Variants in ZFP90 observed in about 807,000 individuals in gnomAD.
ZFP90 encodes the protein zinc finger protein 90 homolog.
ZFP90 carries 38 observed loss-of-function variants against 60.8 expected under a neutral mutation model. The observed-to-expected ratio is 0.62, with a 90% CI of 0.48 to 0.82. The LOEUF (loss-of-function observed/expected upper bound fraction) is 0.82, where lower values mean the gene tolerates loss of function less well. Ranked by LOEUF, ZFP90 falls within the 40% of genes least tolerant of loss-of-function variation. The probability of loss-of-function intolerance (pLI) is 0.00; values close to 1 mark genes in which losing one functional copy is unlikely to be tolerated. For missense variants in ZFP90, 711 were observed against 759.1 expected (o/e 0.94, Z 0.74); for synonymous variants, 287 against 264.8 (o/e 1.08, Z -0.82).
Position 68,558,097 on chromosome 16 carries a change from G to C in ZFP90, c.133G>C (p.Glu45Gln). ...QRSLYRDVML[E>Q]NYSHLVSLGY... ...GAGCTTATACAGGGATGTGATGCTGGAGAACTATAGCCACCTGGTTTCTCT... is the reference window on the plus strand; with the variant it reads ...GAGCTTATACAGGGATGTGATGCTGCAGAACTATAGCCACCTGGTTTCTCT... Residue 45 changes from glutamate (E) to glutamine (Q), a missense_variant, in exon 3 of 5, where the codon GAG becomes CAG. By Grantham distance (29) the Glu-to-Gln change is conservative. Transcript: ENST00000563169. The C allele has an allele frequency of 6.2e-7, 1 of 1,613,836 alleles. No individual in the cohort carries two copies. The highest frequency in any genetic ancestry group is 8.5e-7 in the Non-Finnish European group (1 of 1,179,908).
upstream of ZFP90, among the ~76,000 whole-genome samples, chr16:68,536,468 G>C (rs1279902440): frequency 1.3e-5 from 2 of 151,996 alleles, no homozygotes; most frequent in Non-Finnish European, 2.9e-5. Context: ...ACCACACCTG[G>C]CATTATTATT....
intron 2 of ZFP90, among the ~76,000 whole-genome samples, chr16:68,574,752 C>T (rs1597762765): frequency 6.6e-6 from 1 of 151,802 alleles, no homozygotes; most frequent in African/African-American, 2.4e-5. Context: ...TGGTGAAACC[C>T]TGTCTCTAAA....
chr16:68,539,879 C>G (rs753141228), intron 2 of ZFP90, 54 bp downstream of exon 2: 1 of 1,585,784 alleles, frequency 6.3e-7, no homozygotes, highest in Non-Finnish European at 8.6e-7. Flanking sequence ...TCCATCCCAT[C>G]TCCCAAGGGT....
intron 1 of ZFP90, 109 bp from the exon 2 acceptor site, chr16:68,539,649 C>A: frequency 2.2e-6 from 2 of 892,884 alleles, no homozygotes; most frequent in Non-Finnish European, 3.2e-6. Context: ...CCACGGTCCT[C>A]GCCACCATCT....
intron 2 of ZFP90, among the ~76,000 whole-genome samples, chr16:68,556,003 C>T (rs1480944532): frequency 6.6e-6 from 1 of 152,152 alleles, no homozygotes; most frequent in African/African-American, 2.4e-5. Flanking sequence ...CTTTCTGAGA[C>T]AGAAGTCTAA....
At chr16:68,569,955 T>C (rs1188414289), downstream of ZFP90, among the ~76,000 whole-genome samples, 1 of 152,072 alleles carries the variant, frequency 6.6e-6, no homozygotes, top group Non-Finnish European at 1.5e-5. Flanking sequence ...AGTTGTTCTC[T>C]TTCCTGCATT....
At chr16:68,539,683 C>T (rs1319181841) in intron 1 of ZFP90, 75 bp from the exon 2 acceptor site, 6 of 846,668 alleles carry the variant, frequency 7.1e-6, no homozygotes, top group African/African-American at 1.0e-4. Flanking sequence ...GGTTTAGGGG[C>T]GGAGGTGGGG....
intron 2 of ZFP90, chr16:68,574,132 C>T (rs755300484): frequency 6.8e-6 from 1 of 146,398 alleles, no homozygotes; most frequent in Non-Finnish European, 1.5e-5. Flanking sequence ...CTGCCATCTC[C>T]TATCATGTGA....
At chr16:68,535,592 A>T (rs1371351343), upstream of ZFP90, 1 of 152,164 alleles carries the variant, frequency 6.6e-6, no homozygotes, top group African/African-American at 2.4e-5. Flanking sequence ...ACTTTTCCCA[A>T]CACTGCCATA....
At chr16:68,548,234 C>A (rs1292692752) in intron 2 of ZFP90, among the ~76,000 whole-genome samples, 1 of 152,128 alleles carries the variant, frequency 6.6e-6, no homozygotes, top group Admixed American at 6.6e-5. Flanking sequence ...TTTGTAGAAA[C>A]ATTCAGATTG....
intron 2 of ZFP90, among the ~76,000 whole-genome samples, chr16:68,543,817 C>T (rs1042275423): frequency 2.0e-5 from 3 of 151,752 alleles, no homozygotes; most frequent in Non-Finnish European, 2.9e-5. Context: ...TCTCAGCCTC[C>T]CAAAGTGCTG....
intron 2 of ZFP90, among the ~76,000 whole-genome samples, chr16:68,556,586 A>T (rs1379224452): frequency 2.0e-5 from 3 of 152,226 alleles, no homozygotes; most frequent in Admixed American, 2.0e-4. Flanking sequence ...TGTTCTGGGC[A>T]CCAGGCATGT....
At position 68,564,275 on chromosome 16, in the gene ZFP90, C is replaced by G. The variant is rs752219804; in HGVS notation, c.1488C>G (p.Pro496=). ...QQAISHPGEK[P]YQCNVCGKAF... Reference sequence around the variant, plus strand: ...CTATTTCTCATCCTGGAGAGAAACCCTATCAATGTAATGTATGTGGGAAAG... The same window carrying G: ...CTATTTCTCATCCTGGAGAGAAACCGTATCAATGTAATGTATGTGGGAAAG... Residue 496 remains proline, a synonymous_variant, in exon 5 of 5, where the codon CCC becomes CCG. Transcript: ENST00000563169. The G allele has an allele frequency of 1.7e-5, 28 of 1,613,954 alleles. No homozygotes were observed. The highest frequency in any genetic ancestry group is 1.7e-6 in the Non-Finnish European group (2 of 1,180,008).
intron 2 of ZFP90, among the ~76,000 whole-genome samples, chr16:68,555,954 CT>C (rs1260593172): frequency 6.6e-6 from 1 of 152,180 alleles, no homozygotes; most frequent in African/African-American, 2.4e-5. Context: ...CTTTCGATGT[CT>C]TTTTGCACTA....
chr16:68,540,452 T>C (rs2152053098), intron 2 of ZFP90, among the ~76,000 whole-genome samples: 1 of 152,316 alleles, frequency 6.6e-6, no homozygotes, highest in African/African-American at 2.4e-5. Context: ...AGTCCAGCCT[T>C]CACCTTAATG....
At chr16:68,534,524 G>A (rs58641098), upstream of ZFP90, among the ~76,000 whole-genome samples, 115,885 of 151,092 alleles carry the variant, frequency 0.77, 44,503 homozygotes, top group East Asian at 0.82. Context: ...CACTGCGCCC[G>A]GCCATTTTTA....
At chr16:68,546,575 G>T (rs1225112597) in intron 2 of ZFP90, among the ~76,000 whole-genome samples, 1 of 152,168 alleles carries the variant, frequency 6.6e-6, no homozygotes, top group African/African-American at 2.4e-5. Flanking sequence ...GGAGTGAGTG[G>T]TGCAATCTCG....
intron 2 of ZFP90, among the ~76,000 whole-genome samples, chr16:68,542,402 C>A (rs2091066923): frequency 6.6e-6 from 1 of 152,086 alleles, no homozygotes; most frequent in South Asian, 2.1e-4. Flanking sequence ...ACCAGCCTGG[C>A]CAACATGGTG....
chr16:68,562,932 G>T (rs888622449), intron 4 of ZFP90, 112 bp from the exon 5 acceptor site: 6 of 1,551,466 alleles, frequency 3.9e-6, no homozygotes, highest in African/African-American at 2.7e-5. Flanking sequence ...GGATACAGGA[G>T]TAATTTCAAA....
Sources: allele counts gnomAD v4.1 joint callset (sites outside exome capture counted in the v4.1 genomes callset), GRCh38; gene constraint gnomAD v4.1.1; transcripts MANE v1.5; gene names NCBI Gene and HGNC (gene_info 2026-07-23, HGNC 2026-07-21).